The following RGS21 variants were observed in gnomAD, a reference collection of about 807,000 sequenced individuals.
RGS21 encodes the protein regulator of G-protein signalling 21.
Under a neutral mutation model 18.7 loss-of-function variants are expected in RGS21, and 19 were observed. That is an observed-to-expected ratio of 1.01 (90% CI 0.71 to 1.49). The LOEUF is 1.49. Among genes scored for constraint, RGS21 ranks in the 40% most tolerant of loss-of-function variants. RGS21 has a pLI of 0.00. For synonymous variants in RGS21, 56 were observed against 57.8 expected (o/e 0.97, Z 0.14); for missense variants, 194 against 176.8 (o/e 1.10, Z -0.55).
rs1004040310 is a variant in RGS21 at position 192,367,096 on chromosome 1, T to A, written c.*972T>A. On this transcript the variant is annotated 3_prime_UTR_variant, in exon 5 of 5. Transcript: ENST00000417209. ...AGAAGCTGTAAAGATTCAACAGATCTCCCACGTTTCCATTTTCTTTGCACA... is the reference window on the plus strand; with the variant it reads ...AGAAGCTGTAAAGATTCAACAGATCACCCACGTTTCCATTTTCTTTGCACA... 2 of 152,080 alleles carry A rather than the reference T, an allele frequency of 1.3e-5. No homozygotes were observed. Among genetic ancestry groups the A allele is most frequent in the African/African-American group, 4.8e-5 (2 of 41,464 alleles). 9.4% of individuals were successfully genotyped at this position (152,080 alleles called of 1,614,324 possible). A position where few individuals can be genotyped will look rare whatever the true frequency, so the allele number is the denominator to read the frequency against.
chr1:192,351,162 A>G (rs1252986942), intron 3 of RGS21, among the ~76,000 whole-genome samples: 1 of 152,122 alleles, frequency 6.6e-6, no homozygotes, highest in Non-Finnish European at 1.5e-5. Flanking sequence ...CAGGTACTAC[A>G]AGGGAGAATG....
At chr1:192,339,527 T>C (rs1314330031) in intron 1 of RGS21, among the ~76,000 whole-genome samples, 1 of 151,998 alleles carries the variant, frequency 6.6e-6, no homozygotes, top group East Asian at 1.9e-4. Context: ...CCTGTTTTTT[T>C]AATGGATTGC....
intron 1 of RGS21, among the ~76,000 whole-genome samples, chr1:192,318,572 A>ACCCT (rs1177040958): frequency 3.9e-4 from 59 of 152,218 alleles, no homozygotes; most frequent in African/African-American, 1.4e-3. Flanking sequence ...GTCGTATCTA[A>ACCCT]AGGAGAAATT....
intron 1 of RGS21, 94 bp downstream of exon 1, chr1:192,317,199 A>G (rs1343886990): frequency 6.6e-6 from 1 of 151,972 alleles, no homozygotes; most frequent in Non-Finnish European, 1.5e-5. Context: ...CAACTATTAG[A>G]TTCTTTTCAT....
At chr1:192,343,920 AC>A (rs1652695583) in intron 2 of RGS21, among the ~76,000 whole-genome samples, 1 of 152,074 alleles carries the variant, frequency 6.6e-6, no homozygotes, top group Admixed American at 6.6e-5. Flanking sequence ...GTAAAAGTCA[AC>A]CAAGTCAGTA....
intron 4 of RGS21, among the ~76,000 whole-genome samples, chr1:192,359,659 A>ATATATATATATATATATATATATATG (rs1323703021): frequency 2.1e-5 from 3 of 143,476 alleles, no homozygotes; most frequent in Admixed American, 1.4e-4. Context: ...GTGTGTGTAT[A>ATATATATATATATATATATATATATG]TATATATATA....
intron 4 of RGS21, among the ~76,000 whole-genome samples, chr1:192,360,750 C>T (rs1203373489): frequency 1.3e-5 from 2 of 152,112 alleles, no homozygotes; most frequent in Admixed American, 6.6e-5. Context: ...CTTCTCAAAA[C>T]CCACAGGGCT....
At chr1:192,363,355 T>TA (rs1256797260) in intron 4 of RGS21, among the ~76,000 whole-genome samples, 2 of 152,136 alleles carry the variant, frequency 1.3e-5, no homozygotes, top group Non-Finnish European at 2.9e-5. Flanking sequence ...GATGAGTGTC[T>TA]AAACAGGTTA....
intron 4 of RGS21, among the ~76,000 whole-genome samples, chr1:192,364,700 G>A (rs1659229960): frequency 6.6e-6 from 1 of 151,996 alleles, no homozygotes. Context: ...ATTTTTCCAA[G>A]GGACATTTAA....
At chr1:192,317,544 G>A (rs1027545049) in intron 1 of RGS21, among the ~76,000 whole-genome samples, 1 of 151,728 alleles carries the variant, frequency 6.6e-6, no homozygotes, top group Non-Finnish European at 1.5e-5. Context: ...CACAGCAGGT[G>A]GCCAATTACC....
At chr1:192,333,742 A>C (rs559270123) in intron 1 of RGS21, among the ~76,000 whole-genome samples, 1 of 151,942 alleles carries the variant, frequency 6.6e-6, no homozygotes, top group Non-Finnish European at 1.5e-5. Flanking sequence ...ATGTAATGGA[A>C]TAGTTCTGTG....
chr1:192,325,731 G>C (rs2211111), intron 1 of RGS21, among the ~76,000 whole-genome samples: 6,242 of 152,076 alleles, frequency 0.041, 304 homozygotes, highest in East Asian at 0.15. Flanking sequence ...ATGCTTGTTT[G>C]CTGTATGTAT....
intron 4 of RGS21, 120 bp downstream of exon 4, chr1:192,352,333 G>A (rs1280789767): frequency 2.4e-5 from 15 of 628,262 alleles, no homozygotes; most frequent in African/African-American, 3.8e-5. Flanking sequence ...AATAGAAAAT[G>A]TCAGTAGATT....
intron 4 of RGS21, among the ~76,000 whole-genome samples, chr1:192,356,747 C>T (rs1037343372): frequency 2.6e-5 from 4 of 151,594 alleles, no homozygotes; most frequent in African/African-American, 7.3e-5. Context: ...ATTTTATATT[C>T]GTATTTTTTC....
At chr1:192,326,083 A>G (rs1313594403) in intron 1 of RGS21, among the ~76,000 whole-genome samples, 3 of 152,074 alleles carry the variant, frequency 2.0e-5, no homozygotes, top group Non-Finnish European at 4.4e-5. Flanking sequence ...GGATCCTGCA[A>G]ATATTACAAC....
At chr1:192,339,426 A>G (rs1658819030) in intron 1 of RGS21, among the ~76,000 whole-genome samples, 1 of 152,068 alleles carries the variant, frequency 6.6e-6, no homozygotes, top group Non-Finnish European at 1.5e-5. Flanking sequence ...GAATATGCCT[A>G]TGAAATTACT....
intron 1 of RGS21, among the ~76,000 whole-genome samples, chr1:192,338,552 A>G (rs1188608412): frequency 6.6e-6 from 1 of 152,052 alleles, no homozygotes; most frequent in East Asian, 1.9e-4. Context: ...GACCTGTGCA[A>G]GAGACCATCT....
At chr1:192,318,279 C>T (rs1481748762) in intron 1 of RGS21, among the ~76,000 whole-genome samples, 2 of 152,004 alleles carry the variant, frequency 1.3e-5, no homozygotes, top group African/African-American at 4.8e-5. Flanking sequence ...AATCAAGCAG[C>T]CACAGCATTC....
rs577016735 is a variant in RGS21, at chr1:192,355,971, T to C, written c.255+3758T>C. Among the ~76,000 whole-genome samples the C allele has an allele frequency of 3.0e-4, 45 of 151,746 alleles. 1 individual carries two copies. Among genetic ancestry groups the C allele is most frequent in the African/African-American group, 9.9e-4 (41 of 41,506 alleles). On this transcript the variant is annotated intron_variant, in intron 4 of 4. Coordinates refer to ENST00000417209, the MANE Select transcript of RGS21 (RefSeq NM_001039152.3). ...ATATCATGGTGTAACATTTAAAAAT[T>C]ATATAAATTCAATTTCACACTGTCA...
Sources: gnomAD v4.1 joint callset for allele counts (sites outside exome capture counted in the v4.1 genomes callset) on GRCh38, gnomAD v4.1.1 for gene constraint, MANE v1.5 for transcripts, NCBI Gene and HGNC (gene_info 2026-07-23, HGNC 2026-07-21) for gene names.